CNTN5: variants seen among roughly 807,000 people sequenced by gnomAD.
The protein encoded by CNTN5 is contactin 5, also known as contactin-5.
In CNTN5, 77 loss-of-function variants were observed where a neutral mutation model predicts 129.1. The ratio of observed to expected loss-of-function variants is 0.60; its 90% confidence interval spans 0.50 to 0.72. The LOEUF (loss-of-function observed/expected upper bound fraction) is 0.72. CNTN5 is among the 30% of genes least tolerant of loss of function. The pLI, the probability that CNTN5 is intolerant of heterozygous loss-of-function variation, is 0.00. For synonymous variants in CNTN5, 509 were observed against 465.6 expected (o/e 1.09, Z -1.20); for missense variants, 1,478 against 1,328.8 (o/e 1.11, Z -1.75).
At chr11:99,082,747 A>C (rs1488743852) in intron 1 of CNTN5, among the ~76,000 whole-genome samples, 1 of 152,218 alleles carries the variant, frequency 6.6e-6, no homozygotes, top group Non-Finnish European at 1.5e-5. Flanking sequence ...AAAATTATCT[A>C]AATTATTACA....
At chr11:100,223,995 T>C (rs1393479163) in intron 15 of CNTN5, among the ~76,000 whole-genome samples, 2 of 152,144 alleles carry the variant, frequency 1.3e-5, no homozygotes, top group Non-Finnish European at 2.9e-5. Flanking sequence ...ATGGTACTCA[T>C]TGATCTCCCT....
intron 18 of CNTN5, among the ~76,000 whole-genome samples, chr11:100,293,764 C>T (rs935864790): frequency 6.6e-6 from 1 of 151,628 alleles, no homozygotes; most frequent in Non-Finnish European, 1.5e-5. Flanking sequence ...AAACCTTTAC[C>T]GTTTGTACAT....
intron 2 of CNTN5, among the ~76,000 whole-genome samples, chr11:99,480,838 T>C (rs1186256164): frequency 6.6e-6 from 1 of 152,162 alleles, no homozygotes; most frequent in African/African-American, 2.4e-5. Context: ...ACAGTCCTCA[T>C]TCAACATCAG....
chr11:100,306,875 T>C (rs992739365), intron 20 of CNTN5, among the ~76,000 whole-genome samples: 1 of 151,622 alleles, frequency 6.6e-6, no homozygotes. Context: ...AATGAGAAAT[T>C]TCAACTTATA....
intron 1 of CNTN5, among the ~76,000 whole-genome samples, chr11:99,310,356 A>G (rs1479209549): frequency 2.0e-5 from 3 of 152,172 alleles, no homozygotes; most frequent in East Asian, 3.8e-4. Flanking sequence ...ATGTTTTCAG[A>G]AAGACATTTA....
intron 2 of CNTN5, among the ~76,000 whole-genome samples, chr11:99,386,112 G>A (rs1173289321): frequency 6.6e-6 from 1 of 152,130 alleles, no homozygotes; most frequent in Non-Finnish European, 1.5e-5. Flanking sequence ...ATTCCATGGA[G>A]AAGGAGTTAG....
chr11:99,026,455 C>T (rs1863109716), intron 1 of CNTN5, among the ~76,000 whole-genome samples: 1 of 151,498 alleles, frequency 6.6e-6, no homozygotes, highest in Non-Finnish European at 1.5e-5. Flanking sequence ...AATTGAAACT[C>T]TAAGCTTCAT....
At chr11:99,197,485 T>G (rs1565395598) in intron 1 of CNTN5, among the ~76,000 whole-genome samples, 1 of 152,188 alleles carries the variant, frequency 6.6e-6, no homozygotes, top group East Asian at 1.9e-4. Context: ...TACATATATT[T>G]TTATGTATCT....
chr11:99,985,733 G>A lies in CNTN5; in HGVS notation c.878-16301G>A, dbSNP rs530150754. Among the ~76,000 whole-genome samples, 107 of 152,256 alleles carry A rather than the reference G, an allele frequency of 7.0e-4. 1 individual carries two copies. Among genetic ancestry groups the A allele is most frequent in the Admixed American group, 2.5e-3 (39 of 15,308 alleles). On this transcript the variant is annotated intron_variant, in intron 8 of 24. Transcript: ENST00000524871. ...AGACATTAGTGAGTAAAGCATTCAT[G>A]ACATCCTTTTTTAGCCATTGTAATC... is the stretch of plus-strand genomic sequence containing the variant.
intron 24 of CNTN5, among the ~76,000 whole-genome samples, chr11:100,351,781 T>A (rs1329699410): frequency 6.6e-6 from 1 of 151,608 alleles, no homozygotes; most frequent in Admixed American, 6.6e-5. Context: ...GAACATCATT[T>A]GTTGAGCAAT....
At chr11:99,485,922 G>A (rs1327628218) in intron 2 of CNTN5, among the ~76,000 whole-genome samples, 1 of 151,894 alleles carries the variant, frequency 6.6e-6, no homozygotes, top group Non-Finnish European at 1.5e-5. Flanking sequence ...ACCTTTCTTT[G>A]TAATCATGGA....
intron 3 of CNTN5, among the ~76,000 whole-genome samples, chr11:99,559,538 A>G (rs763160197): frequency 1.3e-5 from 2 of 152,186 alleles, no homozygotes; most frequent in Non-Finnish European, 2.9e-5. Context: ...CAAATAAATA[A>G]AAATTAATAA....
chr11:99,946,234 A>C (rs1950551113), intron 7 of CNTN5, among the ~76,000 whole-genome samples: 1 of 152,056 alleles, frequency 6.6e-6, no homozygotes, highest in South Asian at 2.1e-4. Context: ...ATATTGTGTA[A>C]CTCTCCTGGG....
intron 3 of CNTN5, among the ~76,000 whole-genome samples, chr11:99,687,071 T>C (rs1250372751): frequency 6.6e-6 from 1 of 152,178 alleles, no homozygotes; most frequent in Non-Finnish European, 1.5e-5. Flanking sequence ...AGAGCTCTAT[T>C]CAGGCTCTAG....
intron 2 of CNTN5, among the ~76,000 whole-genome samples, chr11:99,440,750 T>C (rs1451882378): frequency 6.6e-6 from 1 of 152,154 alleles, no homozygotes; most frequent in Non-Finnish European, 1.5e-5. Flanking sequence ...GGAAGCATTA[T>C]GAAGGAGCAA....
intron 13 of CNTN5, among the ~76,000 whole-genome samples, chr11:100,117,006 G>A (rs2138144502): frequency 6.6e-6 from 1 of 152,072 alleles, no homozygotes; most frequent in East Asian, 1.9e-4. Context: ...GCCAGTAAAT[G>A]TGTCTATCAA....
intron 2 of CNTN5, among the ~76,000 whole-genome samples, chr11:99,349,004 T>C (rs1938103904): frequency 6.6e-6 from 1 of 152,186 alleles, no homozygotes; most frequent in Non-Finnish European, 1.5e-5. Flanking sequence ...AAAGCTTTTA[T>C]TCTAGTGGGT....
chr11:99,357,994 A>C (rs1938805652), intron 2 of CNTN5, among the ~76,000 whole-genome samples: 1 of 148,744 alleles, frequency 6.7e-6, no homozygotes, highest in South Asian at 2.2e-4. Flanking sequence ...AGAGAGGGAG[A>C]CTCTGTCTCA....
chr11:99,583,693 G>C (rs1360959401), intron 3 of CNTN5, among the ~76,000 whole-genome samples: 1 of 152,198 alleles, frequency 6.6e-6, no homozygotes, highest in African/African-American at 2.4e-5. Context: ...ATTAGGGTGG[G>C]AGTGACCTGA....
Sources: gnomAD v4.1 joint callset for allele counts (sites outside exome capture counted in the v4.1 genomes callset) on GRCh38, gnomAD v4.1.1 for gene constraint, MANE v1.5 for transcripts, NCBI Gene and HGNC (gene_info 2026-07-23, HGNC 2026-07-21) for gene names.